The following CACNA1E variants were observed in gnomAD, a reference collection of about 807,000 sequenced individuals.
The protein encoded by CACNA1E is voltage-dependent R-type calcium channel subunit alpha-1E.
In CACNA1E, 40 loss-of-function variants were observed where a neutral mutation model predicts 259.2. The observed-to-expected ratio is 0.15, with a 90% confidence interval of 0.12 to 0.20. The LOEUF (loss-of-function observed/expected upper bound fraction) is 0.20. Ranked by LOEUF, CACNA1E falls within the 10% of genes least tolerant of loss-of-function variation. The pLI, the probability that CACNA1E is intolerant of heterozygous loss-of-function variation, is 1.00. For synonymous variants in CACNA1E, 1,104 were observed against 1,138.5 expected, an observed-to-expected ratio of 0.97 and a Z score of 0.61; for missense variants, 1,874 against 3,040.1, an observed-to-expected ratio of 0.62 and a Z score of 9.02.
At chr1:181,673,534 A>G (rs1457299692) in intron 7 of CACNA1E, among the ~76,000 whole-genome samples, 2 of 152,212 alleles carry the variant, frequency 1.3e-5, no homozygotes, top group Admixed American at 6.5e-5. Flanking sequence ...AGCACCTACT[A>G]TGTGCCAGGA....
intron 2 of CACNA1E, among the ~76,000 whole-genome samples, chr1:181,433,724 TC>T (rs1429663022): frequency 6.6e-6 from 1 of 152,164 alleles, no homozygotes; most frequent in Non-Finnish European, 1.5e-5. Flanking sequence ...TATATAGTTT[TC>T]TATTCTATTT....
chr1:181,579,296 T>C, intron 5 of CACNA1E, 72 bp downstream of exon 5: 2 of 1,268,970 alleles, frequency 1.6e-6, no homozygotes, highest in Non-Finnish European at 2.2e-6. Context: ...TCAGGGCACT[T>C]GGAGGCTCAT....
chr1:181,518,800 T>C (rs187151673), intron 3 of CACNA1E, among the ~76,000 whole-genome samples: 31 of 152,352 alleles, frequency 2.0e-4, no homozygotes, highest in Admixed American at 1.9e-3. Flanking sequence ...TTCTGTTTCC[T>C]GAAAGGCTTC....
At chr1:181,423,946 C>T (rs563233171) in intron 2 of CACNA1E, among the ~76,000 whole-genome samples, 1 of 152,170 alleles carries the variant, frequency 6.6e-6, no homozygotes, top group South Asian at 2.1e-4. Flanking sequence ...CTGTATTCCC[C>T]ACCATTCCCT....
intron 41 of CACNA1E, 77 bp downstream of exon 41, chr1:181,784,845 G>A: frequency 1.2e-6 from 1 of 836,932 alleles, no homozygotes; most frequent in Non-Finnish European, 1.9e-6. Flanking sequence ...GGAACCCAGA[G>A]TGATCAAAGA....
At chr1:181,483,501 CTTTTTTT>C (rs111237511), upstream of CACNA1E, 147 of 210,852 alleles carry the variant, frequency 7.0e-4, no homozygotes, top group Middle Eastern at 1.4e-3. Context: ...TTTCTTTTTT[CTTTTTTT>C]TTTTTTTCCT....
chr1:181,403,556 C>CA (rs977489484), intron 1 of CACNA1E, among the ~76,000 whole-genome samples: 1 of 152,018 alleles, frequency 6.6e-6, no homozygotes, highest in African/African-American at 2.4e-5. Context: ...AGTGAAGTCT[C>CA]AGTGTCCATT....
intron 1 of CACNA1E, among the ~76,000 whole-genome samples, chr1:181,369,819 G>T (rs1318322136): frequency 6.6e-6 from 1 of 152,166 alleles, no homozygotes; most frequent in Non-Finnish European, 1.5e-5. Context: ...TTTTATTTTA[G>T]GCTCAAGGGT....
intron 46 of CACNA1E, 150 bp from the exon 47 acceptor site, chr1:181,796,518 C>T: frequency 3.6e-6 from 2 of 556,606 alleles, no homozygotes; most frequent in Non-Finnish European, 6.2e-6. Flanking sequence ...AATTAGGCCT[C>T]AACATTTGAA....
chr1:181,605,256 T>A (rs1194079109), intron 6 of CACNA1E, among the ~76,000 whole-genome samples: 1 of 118,914 alleles, frequency 8.4e-6, no homozygotes, highest in Non-Finnish European at 1.6e-5. Context: ...AAAGCCTGCC[T>A]AAAGAAGCAG....
intron 1 of CACNA1E, among the ~76,000 whole-genome samples, chr1:181,395,630 G>A (rs952912565): frequency 2.6e-5 from 4 of 152,164 alleles, no homozygotes; most frequent in African/African-American, 9.7e-5. Context: ...TCAACAAGCA[G>A]GTACCAAGAA....
At chr1:181,744,150 T>C (rs1156980499) in intron 25 of CACNA1E, among the ~76,000 whole-genome samples, 1 of 152,274 alleles carries the variant, frequency 6.6e-6, no homozygotes, top group African/African-American at 2.4e-5. Context: ...CATTAGCTTT[T>C]ATTACATTCT....
At chr1:181,644,193 A>G (rs1034597951) in intron 6 of CACNA1E, among the ~76,000 whole-genome samples, 1 of 151,790 alleles carries the variant, frequency 6.6e-6, no homozygotes, top group Non-Finnish European at 1.5e-5. Context: ...TAGTAATAGT[A>G]TGGGTAGGAT....
At chr1:181,490,138 C>A (rs186565158) in intron 1 of CACNA1E, among the ~76,000 whole-genome samples, 4 of 152,106 alleles carry the variant, frequency 2.6e-5, no homozygotes, top group African/African-American at 7.2e-5. Context: ...TAAAGCTTGA[C>A]GAGCCCCAGT....
chr1:181,790,176 C>T (rs1661172873), intron 43 of CACNA1E, among the ~76,000 whole-genome samples: 1 of 151,956 alleles, frequency 6.6e-6, no homozygotes, highest in African/African-American at 2.4e-5. Context: ...TTCCATATGG[C>T]TGAATGTGAC....
At chr1:181,431,828 T>C (rs1206780562) in intron 2 of CACNA1E, among the ~76,000 whole-genome samples, 1 of 152,222 alleles carries the variant, frequency 6.6e-6, no homozygotes, top group Non-Finnish European at 1.5e-5. Flanking sequence ...AGATAAGAGA[T>C]ACAGGGCTCC....
Position 181,485,485 on chromosome 1 carries a change from A to T in CACNA1E, c.266+1475A>T, listed in dbSNP as rs976330477. Among the ~76,000 whole-genome samples the T allele has an allele frequency of 6.6e-6, 1 of 152,136 alleles. No individual in the cohort carries two copies. The highest frequency in any genetic ancestry group is 1.9e-4 in the East Asian group (1 of 5,186). ...CCTGCTGCTGTTCGCATCCTCCCAC[A>T]GCAACCCCGGCTGGGCTTCTCCCTC... is the stretch of plus-strand genomic sequence containing the variant. On this transcript the variant is annotated intron_variant, in intron 1 of 47. Transcript: ENST00000367573. This position sits in a 1 kb window ranked among gnomAD's most constrained non-coding sequence, Gnocchi z 4.2.
At chr1:181,723,820 G>A (rs763135147) in intron 16 of CACNA1E, among the ~76,000 whole-genome samples, 6 of 152,286 alleles carry the variant, frequency 3.9e-5, no homozygotes, top group African/African-American at 1.4e-4. Flanking sequence ...ATGGGGATGG[G>A]CACAGAACAT....
chr1:181,682,239 A>C (rs777695846), intron 7 of CACNA1E, among the ~76,000 whole-genome samples: 1 of 152,196 alleles, frequency 6.6e-6, no homozygotes, highest in Non-Finnish European at 1.5e-5. Flanking sequence ...AGTTCAGTTG[A>C]CTTTGTCAGA....
Sources: gnomAD v4.1 joint callset for allele counts (sites outside exome capture counted in the v4.1 genomes callset) on GRCh38, gnomAD v4.1.1 for gene constraint, Gnocchi (gnomAD v3.1) non-coding constraint, MANE v1.5 for transcripts, NCBI Gene and HGNC (gene_info 2026-07-23, HGNC 2026-07-21) for gene names.